OSGEP: variants seen among roughly 807,000 people sequenced by gnomAD.
The protein encoded by OSGEP is tRNA N6-adenosine threonylcarbamoyltransferase.
OSGEP carries 39 observed loss-of-function variants against 44.1 expected under a neutral mutation model. The observed-to-expected ratio is 0.88, with a 90% CI of 0.69 to 1.16. The LOEUF is 1.16. OSGEP is among the 50% of genes most tolerant of loss of function. The pLI is 0.00. For synonymous variants in OSGEP, 139 were observed against 161.9 expected (o/e 0.86, Z 1.07); for missense variants, 403 against 443.1 (o/e 0.91, Z 0.81).
intron 2 of OSGEP, 44 bp from the exon 3 acceptor site, chr14:20,452,193 AAAAC>A (rs1490821949): frequency 6.5e-7 from 1 of 1,532,772 alleles, no homozygotes; most frequent in Admixed American, 1.9e-5. Flanking sequence ...AGATTGGAAA[AAAAC>A]AATAGTGGGG....
Position 20,447,086 on chromosome 14 carries a change from T to C in OSGEP, c.*154A>G, listed in dbSNP as rs964023116. On this transcript the variant is annotated 3_prime_UTR_variant, in exon 11 of 11. Transcript: ENST00000206542. Reference sequence around the variant, plus strand: ...AAACCAAAAAACCAAAAATATTTTATTGCTGAGTCATCCTGGGGTTCCATA... The same window carrying C: ...AAACCAAAAAACCAAAAATATTTTACTGCTGAGTCATCCTGGGGTTCCATA... 2 of 683,902 alleles carry C rather than the reference T, an allele frequency of 2.9e-6. No individual in the cohort carries two copies. The highest frequency in any genetic ancestry group is 1.9e-5 in the South Asian group (1 of 53,574). 42.4% of individuals were successfully genotyped at this position (683,902 alleles called of 1,614,324 possible).
In OSGEP at chr14:20,446,943, TAAAA is replaced by T. The variant is rs5807036; in HGVS notation, c.*293_*296del. On this transcript the variant is annotated 3_prime_UTR_variant, in exon 11 of 11. Transcript: ENST00000206542. ...GGAAACACAGCAAGATTCCGTTTCT[TAAAA>T]AAAAAAAAAAAGATACCTCATTCTT... is the stretch of plus-strand genomic sequence containing the variant. 32 of 294,312 alleles carry T rather than the reference TAAAA, an allele frequency of 1.1e-4. No individual in the cohort carries two copies. The highest frequency in any genetic ancestry group is 1.0e-3 in the Middle Eastern group (1 of 992). The allele number at this position is 294,312 out of a possible 1,614,324, so 18.2% of individuals were successfully genotyped here. A position where few individuals can be genotyped will look rare whatever the true frequency, so the allele number is the denominator to read the frequency against.
In OSGEP at chr14:20,452,119, A is replaced by G. The variant is rs959034063; in HGVS notation, c.266T>C (p.Val89Ala). ...GPGMGAPLVS[V>A]AVVARTVAQL... ...GGCCACAGTACGGGCCACAACAGCC[A>G]CAGAAACCAGTGGGGCACCCATGCC... Residue 89 changes from valine to alanine, a missense_variant, in exon 3 of 11, where the codon GTG becomes GCG. Val to Ala is a moderately conservative substitution (Grantham distance 64, BLOSUM62 0). Transcript: ENST00000206542. The G allele has an allele frequency of 2.6e-5, 42 of 1,612,918 alleles. No homozygotes were observed. The highest frequency in any genetic ancestry group is 3.3e-5 in the Non-Finnish European group (39 of 1,179,592).
chr14:20,452,243 T>C (rs1881122093), intron 2 of OSGEP, 86 bp downstream of exon 2: 2 of 1,589,916 alleles, frequency 1.3e-6, no homozygotes, highest in East Asian at 2.2e-5. Context: ...GGGGTAGTGA[T>C]GGTGGCAGAG....
chr14:20,452,217 G>A (rs1370587727), intron 2 of OSGEP, 68 bp from the exon 3 acceptor site: 1 of 1,580,900 alleles, frequency 6.3e-7, no homozygotes, highest in South Asian at 1.1e-5. Context: ...GGACATAAGG[G>A]ATGTGAGGTG....
intron 3 of OSGEP, chr14:20,451,242 A>C (rs893785893): frequency 1.1e-5 from 2 of 186,896 alleles, no homozygotes; most frequent in Non-Finnish European, 2.3e-5. Flanking sequence ...ATATAAAAAC[A>C]AAACATGTAC....
rs1288375183 is a variant in OSGEP, at chr14:20,451,987, C to G, written c.398G>C (p.Gly133Ala). ...ATSPTVLYVS[G>A]GNTQVIAYSE... ...CCCTCTAAATACCTGCGTATTTCCT[C>G]CACTCACATACAACACGGTTGGGCT... Residue 133 changes from glycine (G) to alanine (A), a missense_variant, in exon 3 of 11, where the codon GGA becomes GCA. Transcript: ENST00000206542. The G allele has an allele frequency of 6.2e-7, 1 of 1,603,198 alleles. No individual in the cohort carries two copies. Among genetic ancestry groups the G allele is most frequent in the Non-Finnish European group, 8.5e-7 (1 of 1,174,606 alleles).
intron 3 of OSGEP, chr14:20,451,133 A>G (rs1452116026): frequency 6.5e-6 from 1 of 154,774 alleles, no homozygotes; most frequent in Non-Finnish European, 1.4e-5. Context: ...AATAAATAAG[A>G]TAAAATAAAA....
chr14:20,447,579 G>A lies in OSGEP; in HGVS notation c.869+36C>T. On this transcript the variant is annotated intron_variant, in intron 9 of 10. Transcript: ENST00000206542. Reference sequence around the variant, plus strand: ...AGGGTGGAAAATCACTATAACAGGAGAAGTAAAAAAGAAACCAAAGGGAAA... The same window carrying A: ...AGGGTGGAAAATCACTATAACAGGAAAAGTAAAAAAGAAACCAAAGGGAAA... 7 of 1,608,340 alleles carry A rather than the reference G, an allele frequency of 4.4e-6. No individual in the cohort carries two copies. In the South Asian group the frequency reaches 6.6e-5, roughly 15 times the overall value.
intron 1 of OSGEP, among the ~76,000 whole-genome samples, chr14:20,453,750 G>C (rs550754321): frequency 6.6e-6 from 1 of 152,184 alleles, no homozygotes; most frequent in African/African-American, 2.4e-5. Flanking sequence ...AGGCCCGAGC[G>C]GTGGCTCATG....
chr14:20,454,195 T>C (rs1881192470), intron 1 of OSGEP, among the ~76,000 whole-genome samples: 1 of 152,146 alleles, frequency 6.6e-6, no homozygotes, highest in Admixed American at 6.5e-5. Flanking sequence ...AAAGGGAGTG[T>C]ATATTCAGGG....
chr14:20,454,376 G>A (rs370187540), intron 1 of OSGEP, among the ~76,000 whole-genome samples, 193 bp downstream of exon 1: 1 of 152,178 alleles, frequency 6.6e-6, no homozygotes, highest in Admixed American at 6.5e-5. Flanking sequence ...TCAGTAAAAG[G>A]TAAATGAACT....
intron 3 of OSGEP, 50 bp downstream of exon 3, chr14:20,451,924 G>A: frequency 1.4e-6 from 2 of 1,435,240 alleles, no homozygotes; most frequent in Non-Finnish European, 1.9e-6. Flanking sequence ...AGAAAATACT[G>A]GTTCAGTGCC....
intron 3 of OSGEP, 22 bp downstream of exon 3, chr14:20,451,952 G>C (rs746423656): frequency 6.5e-7 from 1 of 1,526,790 alleles, no homozygotes; most frequent in East Asian, 2.3e-5. Flanking sequence ...TTGAGATGGA[G>C]TGGGTAGAGC....
chr14:20,449,165 G>A lies in OSGEP; in HGVS notation c.507+6C>T. 6.2e-7 allele frequency: 1 copy of A among 1,600,058 alleles called. No homozygotes were observed. The highest frequency in any genetic ancestry group is 8.6e-7 in the Non-Finnish European group (1 of 1,167,266). ...TTTTATGTTCTCTGCAGCCCCACTG[G>A]CTTACCTTCAGCACTCGAGCAAAAC... On this transcript the variant is annotated splice_donor_region_variant and intron_variant, in intron 4 of 10. Transcript: ENST00000206542.
In OSGEP at chr14:20,447,220, C is replaced by T. The variant is rs748740388; in HGVS notation, c.*20G>A. ...TGGGTTCCGATTAAGGAACTATCTA[C>T]TCTGATTCTGTTGATCTTATTAGTC... On this transcript the variant is annotated 3_prime_UTR_variant, in exon 11 of 11. Coordinates refer to ENST00000206542, the MANE Select transcript of OSGEP (RefSeq NM_017807.4). The T allele has an allele frequency of 2.5e-6, 4 of 1,610,110 alleles. No individual in the cohort carries two copies. The Admixed American group carries it at 5.0e-5, about 20-fold the overall frequency.
At chr14:20,447,795 G>C in intron 8 of OSGEP, 105 bp from the exon 9 acceptor site, 1 of 1,230,102 alleles carries the variant, frequency 8.1e-7, no homozygotes, top group African/African-American at 1.5e-5. Flanking sequence ...TAGGGGATTA[G>C]GGGCAAGGAT....
Position 20,447,163 on chromosome 14 carries a change from C to T in OSGEP, c.*77G>A. On this transcript the variant is annotated 3_prime_UTR_variant, in exon 11 of 11. Transcript: ENST00000206542. ...TATAGCTTTGCTAGGACTCCCATGACATCAGGATAGAGATTGAGGCACGGG... is the reference window on the plus strand; with the variant it reads ...TATAGCTTTGCTAGGACTCCCATGATATCAGGATAGAGATTGAGGCACGGG... 8.0e-7 allele frequency: 1 copy of T among 1,245,688 alleles called. No individual in the cohort carries two copies. The highest frequency in any genetic ancestry group is 1.2e-6 in the Non-Finnish European group (1 of 844,998). The allele number at this position is 1,245,688 out of a possible 1,614,324, so 77.2% of individuals were successfully genotyped here. A position where few individuals can be genotyped will look rare whatever the true frequency, so the allele number is the denominator to read the frequency against.
At chr14:20,453,319 G>A (rs2139295668) in intron 1 of OSGEP, among the ~76,000 whole-genome samples, 1 of 151,974 alleles carries the variant, frequency 6.6e-6, no homozygotes, top group African/African-American at 2.4e-5. Flanking sequence ...AGAGTAGCAA[G>A]ATATAATAGC....
Sources: gnomAD v4.1 joint callset for allele counts (sites outside exome capture counted in the v4.1 genomes callset) on GRCh38, gnomAD v4.1.1 for gene constraint, MANE v1.5 for transcripts, NCBI Gene and HGNC (gene_info 2026-07-23, HGNC 2026-07-21) for gene names.